The following COPS8 variants were observed in gnomAD, a reference collection of about 807,000 sequenced individuals.
The protein encoded by COPS8 is COP9 signalosome complex subunit 8.
In COPS8, 11 loss-of-function variants were observed where a neutral mutation model predicts 31.5. The observed-to-expected ratio is 0.35, with a 90% CI of 0.22 to 0.58. The LOEUF is 0.58. Among genes scored for constraint, COPS8 ranks in the 20% least tolerant of loss-of-function variants. The pLI is 0.83. For missense variants in COPS8, 215 were observed against 255.1 expected (o/e 0.84, Z 1.07); for synonymous variants, 81 against 89.3 (o/e 0.91, Z 0.52).
intron 3 of COPS8, among the ~76,000 whole-genome samples, chr2:237,089,313 C>T (rs1018277949): frequency 2.0e-5 from 3 of 151,738 alleles, no homozygotes; most frequent in African/African-American, 7.3e-5. Context: ...CTCATACATT[C>T]TGTTCTGTTA....
At chr2:237,093,898 T>A in intron 4 of COPS8, 192 bp from the exon 5 acceptor site, 1 of 1,221,630 alleles carries the variant, frequency 8.2e-7, no homozygotes, top group African/African-American at 1.6e-5. Context: ...AAGAAATGTA[T>A]TTTTTTCCAG....
chr2:237,096,991 A>C, intron 7 of COPS8, 122 bp downstream of exon 7: 1 of 708,916 alleles, frequency 1.4e-6, no homozygotes, highest in Middle Eastern at 4.0e-4. Flanking sequence ...ACAGAGGTTA[A>C]ATTTCATAAA....
At position 237,097,656 on chromosome 2, in the gene COPS8, C is replaced by G. The variant is rs2106347931; in HGVS notation, c.551-7C>G. The G allele has an allele frequency of 6.2e-7, 1 of 1,609,780 alleles. No individual in the cohort carries two copies. Among genetic ancestry groups the G allele is most frequent in the East Asian group, 2.2e-5 (1 of 44,826 alleles). ...ACATGAAGTGTGTTTGTTTCTTTAACATACAGAGCCTGCTCCAGTTCCCCC... is the reference window on the plus strand; with the variant it reads ...ACATGAAGTGTGTTTGTTTCTTTAAGATACAGAGCCTGCTCCAGTTCCCCC... On this transcript the variant is annotated splice_polypyrimidine_tract_variant and splice_region_variant and intron_variant, in intron 7 of 7. Transcript: ENST00000354371.
Position 237,097,859 on chromosome 2 carries a change from A to C in COPS8, c.*117A>C. 3 of 650,290 alleles carry C rather than the reference A, an allele frequency of 4.6e-6. No individual in the cohort carries two copies. Among genetic ancestry groups the C allele is most frequent in the Non-Finnish European group, 8.1e-6 (3 of 371,610 alleles). 40.3% of individuals were successfully genotyped at this position (650,290 alleles called of 1,614,324 possible). On this transcript the variant is annotated 3_prime_UTR_variant, in exon 8 of 8. Coordinates refer to ENST00000354371, the MANE Select transcript of COPS8 (RefSeq NM_006710.5). Reference sequence around the variant, plus strand: ...CTTAAGCACCTCAGCATTCCTTACTATGTGATAAAATACATATAGAATATA... The same window carrying C: ...CTTAAGCACCTCAGCATTCCTTACTCTGTGATAAAATACATATAGAATATA...
intron 7 of COPS8, among the ~76,000 whole-genome samples, chr2:237,097,173 T>C (rs1019990490): frequency 1.3e-5 from 2 of 151,874 alleles, no homozygotes; most frequent in Non-Finnish European, 2.9e-5. Context: ...GGCTGACGTG[T>C]AGTAATTTAA....
chr2:237,100,205 C>CCACA lies in COPS8; in HGVS notation c.*2464_*2467dup, dbSNP rs1696870559. The CCACA allele has an allele frequency of 6.6e-6, 1 of 152,132 alleles. No individual in the cohort carries two copies. Among genetic ancestry groups the CCACA allele is most frequent in the Non-Finnish European group, 1.5e-5 (1 of 68,022 alleles). The allele number at this position is 152,132 out of a possible 1,614,324, so 9.4% of individuals were successfully genotyped here. ...GAAATATATATCAATGCTGTTGAGACCACAGGGTAAGAAATTGAGATTGAG... is the reference window on the plus strand; with the variant it reads ...GAAATATATATCAATGCTGTTGAGACCACACACAGGGTAAGAAATTGAGATTGAG... On this transcript the variant is annotated 3_prime_UTR_variant, in exon 8 of 8. Transcript: ENST00000354371.
chr2:237,086,169 T>C (rs574289528), intron 1 of COPS8, 127 bp downstream of exon 1: 1 of 874,412 alleles, frequency 1.1e-6, no homozygotes, highest in South Asian at 1.5e-5. Flanking sequence ...GCGTGGGAGG[T>C]GGACGTGTGG....
In COPS8 at chr2:237,098,711, G is replaced by C. The variant is rs544272117; in HGVS notation, c.*969G>C. ...TTCTTCAATTATTTCATCTAAGATA[G>C]TTTCTGGAAATTTCACTCTCGATCT... On this transcript the variant is annotated 3_prime_UTR_variant, in exon 8 of 8. Transcript: ENST00000354371. The C allele has an allele frequency of 6.6e-6, 1 of 152,190 alleles. No individual in the cohort carries two copies. The highest frequency in any genetic ancestry group is 1.5e-5 in the Non-Finnish European group (1 of 68,006). The allele number at this position is 152,190 out of a possible 1,614,324, so 9.4% of individuals were successfully genotyped here. A position where few individuals can be genotyped will look rare whatever the true frequency, so the allele number is the denominator to read the frequency against.
At chr2:237,097,604 G>A in intron 7 of COPS8, 59 bp from the exon 8 acceptor site, 3 of 1,275,330 alleles carry the variant, frequency 2.4e-6, no homozygotes, top group Admixed American at 1.8e-5. Flanking sequence ...AGGTGTTGGG[G>A]CCAAAGCTTT....
chr2:237,089,400 C>T (rs1278296389), intron 3 of COPS8, among the ~76,000 whole-genome samples: 2 of 152,070 alleles, frequency 1.3e-5, no homozygotes, highest in East Asian at 1.9e-4. Flanking sequence ...GTTTCAATGG[C>T]GTTAGTGGAA....
chr2:237,092,654 A>G (rs1264009416), intron 4 of COPS8, among the ~76,000 whole-genome samples: 2 of 152,178 alleles, frequency 1.3e-5, no homozygotes, highest in South Asian at 2.1e-4. Context: ...TGGTATTGCA[A>G]AGTCTGTTAG....
Position 237,086,060 on chromosome 2 carries a change from G to T in COPS8, c.78+18G>T, listed in dbSNP as rs946322952. 4 of 1,609,046 alleles carry T rather than the reference G, an allele frequency of 2.5e-6. No individual in the cohort carries two copies. Among genetic ancestry groups the T allele is most frequent in the African/African-American group, 1.3e-5 (1 of 74,802 alleles). On this transcript the variant is annotated intron_variant, in intron 1 of 7. Transcript: ENST00000354371. The stretch of plus-strand genomic sequence containing the variant: ...AGCTCGAGGTAACCCTTTGCGTCGC[G>T]CTGGGAGAAACTGCGGAGTAGTCTT...
rs1363651094 is a variant in COPS8 at position 237,085,918 on chromosome 2, T to A, written c.-47T>A. ...CGGGCGCGACGCCTGAGGGACAGTC[T>A]GGGGTTTGGCTGTCCGGACGGTGCA... On this transcript the variant is annotated 5_prime_UTR_variant, in exon 1 of 8. Transcript: ENST00000354371. 6.3e-7 allele frequency: 1 copy of A among 1,575,390 alleles called. No individual in the cohort carries two copies. The highest frequency in any genetic ancestry group is 2.3e-5 in the East Asian group (1 of 43,868).
chr2:237,097,908 C>G lies in COPS8; in HGVS notation c.*166C>G. On this transcript the variant is annotated 3_prime_UTR_variant, in exon 8 of 8. Transcript: ENST00000354371. ...TAAGATATACTATATACATTTTGTC[C>G]ATAAACGTTATGCTGAATAGTTGTT... 2.0e-6 allele frequency: 1 copy of G among 509,842 alleles called. No individual in the cohort carries two copies. The highest frequency in any genetic ancestry group is 3.3e-5 in the East Asian group (1 of 30,358). 31.6% of individuals were successfully genotyped at this position (509,842 alleles called of 1,614,324 possible).
chr2:237,087,540 C>T (rs1268121520), intron 2 of COPS8: 1 of 291,526 alleles, frequency 3.4e-6, no homozygotes, highest in South Asian at 3.4e-5. Context: ...AAGATTGCAG[C>T]CAAGAGGAAT....
intron 2 of COPS8, 196 bp downstream of exon 2, chr2:237,087,393 T>C (rs1276935948): frequency 1.3e-5 from 7 of 539,156 alleles, no homozygotes; most frequent in Non-Finnish European, 2.4e-5. Context: ...ACATATACTT[T>C]CTAGAAAACA....
intron 1 of COPS8, chr2:237,086,731 G>C: frequency 1.0e-6 from 1 of 962,298 alleles, no homozygotes; most frequent in Non-Finnish European, 1.2e-6. Flanking sequence ...CTCTTATTCA[G>C]GACGCTTGAT....
chr2:237,093,417 G>C (rs141045496), intron 4 of COPS8, among the ~76,000 whole-genome samples: 16 of 152,316 alleles, frequency 1.1e-4, no homozygotes, highest in East Asian at 3.9e-4. Flanking sequence ...AGGGAGAAAG[G>C]CCAGCTGGTT....
At chr2:237,090,438 A>T (rs79885391) in intron 4 of COPS8, among the ~76,000 whole-genome samples, 1,568 of 152,310 alleles carry the variant, frequency 0.01, 41 homozygotes, top group African/African-American at 0.036. Flanking sequence ...ATTGCTTTGA[A>T]AGATTACAAG....
Sources: gnomAD v4.1 joint callset for allele counts (sites outside exome capture counted in the v4.1 genomes callset) on GRCh38, gnomAD v4.1.1 for gene constraint, MANE v1.5 for transcripts, NCBI Gene and HGNC (gene_info 2026-07-23, HGNC 2026-07-21) for gene names.